HMOX1: variants seen among roughly 807,000 people sequenced by gnomAD.
The protein encoded by HMOX1 is heat shock protein, 32-kD.
In HMOX1, 22 loss-of-function variants were observed where a neutral mutation model predicts 27.8. That is an observed-to-expected ratio of 0.79 (90% CI 0.57 to 1.13). HMOX1 has a LOEUF of 1.13. HMOX1 is among the 50% of genes most tolerant of loss of function. HMOX1 has a pLI of 0.00. For synonymous variants in HMOX1, 153 were observed against 151.6 expected, an observed-to-expected ratio of 1.01 and a Z score of -0.07; for missense variants, 379 against 377.7, an observed-to-expected ratio of 1.00 and a Z score of -0.03.
chr22:35,389,429 TATCTTTC>T (rs1283601044), intron 3 of HMOX1, among the ~76,000 whole-genome samples: 1 of 67,902 alleles, frequency 1.5e-5, no homozygotes, highest in Non-Finnish European at 3.1e-5. Flanking sequence ...TCTTTCTTTC[TATCTTTC>T]TTTCTTTCTT....
chr22:35,381,302 C>T, intron 1 of HMOX1, 106 bp downstream of exon 1: 1 of 1,363,318 alleles, frequency 7.3e-7, no homozygotes, highest in Non-Finnish European at 1.0e-6. Context: ...AGCCCAGGAG[C>T]CAGAAACTTG....
chr22:35,392,247 G>T (rs1045051176), intron 4 of HMOX1, among the ~76,000 whole-genome samples: 3 of 147,450 alleles, frequency 2.0e-5, no homozygotes, highest in African/African-American at 7.5e-5. Flanking sequence ...AGAAAGAAAA[G>T]AAAAGAAAAA....
intron 2 of HMOX1, among the ~76,000 whole-genome samples, chr22:35,385,609 CTTTTTTTTTT>C (rs71191362): frequency 1.1e-5 from 1 of 94,200 alleles, no homozygotes; most frequent in African/African-American, 4.4e-5. Flanking sequence ...CCATACCTGG[CTTTTTTTTTT>C]TTTTTTTTTT....
rs145427664 is a variant in HMOX1 at position 35,389,936 on chromosome 22, C to G, written c.709C>G (p.Arg237Gly). 1.9e-3 allele frequency: 2,982 copies of G among 1,611,646 alleles called. 1 individual carries two copies. The highest frequency in any genetic ancestry group is 2.2e-3 in the Non-Finnish European group (2,647 of 1,179,628). Residue 237 changes from arginine (R) to glycine (G), a missense_variant, in exon 4 of 5, where the codon CGC becomes GGC. Coordinates refer to ENST00000216117, the MANE Select transcript of HMOX1 (RefSeq NM_002133.3). ...GAGCCCCTCACGGGCACCAGGGCTT[C>G]GCCAGCGGGCCAGCAACAAAGTGCA... ...DQSPSRAPGL[R>G]QRASNKVQDS... is the part of the protein sequence containing the mutation.
chr22:35,387,483 C>A (rs1931539415), intron 3 of HMOX1, among the ~76,000 whole-genome samples: 1 of 152,228 alleles, frequency 6.6e-6, no homozygotes, highest in South Asian at 2.1e-4. Context: ...ACATTCACTA[C>A]TGTCATAATG....
At chr22:35,381,230 CTT>C in intron 1 of HMOX1, 34 bp downstream of exon 1, 1 of 1,544,172 alleles carries the variant, frequency 6.5e-7, no homozygotes, top group Non-Finnish European at 8.7e-7. Flanking sequence ...GGACGGGCGC[CTT>C]TCTCTCCCAA....
Position 35,381,358 on chromosome 22 carries a change from G to C in HMOX1, c.23+162G>C, listed in dbSNP as rs141876867. On this transcript the variant is annotated intron_variant, in intron 1 of 4. Coordinates refer to ENST00000216117, the MANE Select transcript of HMOX1 (RefSeq NM_002133.3). ...CGGGGTTCTGATCCTGCCTGTGCCC[G>C]TAGGGTAGTTGGAGGGAGGAACGGT... 13 of 796,654 alleles carry C rather than the reference G, an allele frequency of 1.6e-5. No homozygotes were observed. The South Asian group carries it at 1.7e-4, about 10-fold the overall frequency. 49.3% of individuals were successfully genotyped at this position (796,654 alleles called of 1,614,324 possible). A position where few individuals can be genotyped will look rare whatever the true frequency, so the allele number is the denominator to read the frequency against.
In HMOX1 at chr22:35,389,237, C is replaced by CTTTCTTTCT. The variant is rs1305198764; in HGVS notation, c.637-624_637-623insCTTTCTTTT. Among the ~76,000 whole-genome samples the CTTTCTTTCT allele has an allele frequency of 1.9e-4, 22 of 116,248 alleles. 6 individuals carry two copies. Among genetic ancestry groups the CTTTCTTTCT allele is most frequent in the African/African-American group, 9.0e-4 (21 of 23,354 alleles). 76.3% of individuals were successfully genotyped at this position (116,248 alleles called of 152,430 possible). A position where few individuals can be genotyped will look rare whatever the true frequency, so the allele number is the denominator to read the frequency against. On this transcript the variant is annotated intron_variant, in intron 3 of 4. Transcript: ENST00000216117. ...TCTCTCTTTCTTTCTTTCTTTCTTTCTTTTTCTTTCTTTTCTCTCTCTCTC... is the reference window on the plus strand; with the variant it reads ...TCTCTCTTTCTTTCTTTCTTTCTTTCTTTCTTTCTTTTTTCTTTCTTTTCTCTCTCTCTC...
chr22:35,383,230 T>C lies in HMOX1; in HGVS notation c.144+4T>C, dbSNP rs17885925. On this transcript the variant is annotated splice_donor_region_variant and intron_variant, in intron 2 of 4. Transcript: ENST00000216117. The stretch of plus-strand genomic sequence containing the variant: ...GGTGACCCGAGACGGCTTCAAGGTA[T>C]GTGGCTTGGTGGGACTAGCCCTGGT... 0.044 allele frequency: 71,310 copies of C among 1,612,922 alleles called. 1,739 individuals are homozygous for C. Among genetic ancestry groups the C allele is most frequent in the Middle Eastern group, 0.071 (431 of 6,056 alleles).
At position 35,386,713 on chromosome 22, in the gene HMOX1, A is replaced by G. The variant is rs775004553; in HGVS notation, c.173A>G (p.Tyr58Cys). The change falls in exon 3 of 5, where the codon TAT becomes TGT. Residue 58 changes from tyrosine (Y) to cysteine (C), a missense_variant. Tyr to Cys is a radical substitution (Grantham distance 194). Coordinates refer to ENST00000216117, the MANE Select transcript of HMOX1 (RefSeq NM_002133.3). ...KLVMASLYHI[Y>C]VALEEEIERN... Reference sequence around the variant, plus strand: ...GTGATGGCCTCCCTGTACCACATCTATGTGGCCCTGGAGGAGGAGATTGAG... The same window carrying G: ...GTGATGGCCTCCCTGTACCACATCTGTGTGGCCCTGGAGGAGGAGATTGAG... 60 of 1,613,990 alleles carry G rather than the reference A, an allele frequency of 3.7e-5. No individual in the cohort carries two copies. The highest frequency in any genetic ancestry group is 1.6e-4 in the Middle Eastern group (1 of 6,084).
In HMOX1 at chr22:35,393,910, A is replaced by C; in HGVS notation, c.*312A>C. On this transcript the variant is annotated 3_prime_UTR_variant, in exon 5 of 5. Coordinates refer to ENST00000216117, the MANE Select transcript of HMOX1 (RefSeq NM_002133.3). ...TGTGGCAGCTGTCTCAAACCTCCAAAAGCCCTGAGTTTCAAGTATCCTTGT... is the reference window on the plus strand; with the variant it reads ...TGTGGCAGCTGTCTCAAACCTCCAACAGCCCTGAGTTTCAAGTATCCTTGT... 2 of 382,628 alleles carry C rather than the reference A, an allele frequency of 5.2e-6. No homozygotes were observed. Among genetic ancestry groups the C allele is most frequent in the Non-Finnish European group, 1.0e-5 (2 of 198,726 alleles). 23.7% of individuals were successfully genotyped at this position (382,628 alleles called of 1,614,324 possible).
chr22:35,381,265 C>T lies in HMOX1; in HGVS notation c.23+69C>T, dbSNP rs1017944766. 23 of 1,501,726 alleles carry T rather than the reference C, an allele frequency of 1.5e-5. No individual in the cohort carries two copies. The African/African-American group carries it at 2.5e-4, about 16-fold the overall frequency. 93.0% of individuals were successfully genotyped at this position (1,501,726 alleles called of 1,614,324 possible). On this transcript the variant is annotated intron_variant, in intron 1 of 4. Transcript: ENST00000216117. ...CAACCCTGCTTGCGTCCTAGCCCCA[C>T]CCCGGGACACTGCCACACAGCGACA...
At position 35,389,254 on chromosome 22, in the gene HMOX1, C is replaced by T. The variant is rs1483682632; in HGVS notation, c.637-610C>T. ...CTTTCTTTCTTTTTCTTTCTTTTCT[C>T]TCTCTCTCTCTCTCTCTCTCCTCTC... On this transcript the variant is annotated intron_variant, in intron 3 of 4. Transcript: ENST00000216117. 5.3e-3 allele frequency among the ~76,000 whole-genome samples: 352 copies of T among 65,968 alleles called. 12 individuals carry two copies. The highest frequency in any genetic ancestry group is 7.1e-3 in the Non-Finnish European group (249 of 34,840). 43.3% of individuals were successfully genotyped at this position (65,968 alleles called of 152,430 possible).
Position 35,393,594 on chromosome 22 carries a change from T to C in HMOX1, c.863T>C (p.Met288Thr), listed in dbSNP as rs1333482347. The C allele has an allele frequency of 1.9e-6, 3 of 1,614,174 alleles. No homozygotes were observed. The highest frequency in any genetic ancestry group is 2.5e-6 in the Non-Finnish European group (3 of 1,179,994). The change falls in exon 5 of 5, where the codon ATG (methionine) becomes ACG (threonine). Residue 288 changes from methionine (M) to threonine (T), a missense_variant. Transcript: ENST00000216117. ...VATVAVGLYA[M>T] ...ACAGTTGCTGTAGGGCTTTATGCCATGTGAATGCAGGCATGCTGGCTCCCA... is the reference window on the plus strand; with the variant it reads ...ACAGTTGCTGTAGGGCTTTATGCCACGTGAATGCAGGCATGCTGGCTCCCA...
At chr22:35,390,027 T>C (rs1489183350) in intron 4 of HMOX1, 64 bp downstream of exon 4, 3 of 1,081,500 alleles carry the variant, frequency 2.8e-6, no homozygotes, top group Non-Finnish European at 4.2e-6. Context: ...GCTGTCTGAC[T>C]GTAGTATCTC....
intron 4 of HMOX1, among the ~76,000 whole-genome samples, chr22:35,390,860 T>A (rs1931699591): frequency 6.6e-6 from 1 of 152,084 alleles, no homozygotes; most frequent in African/African-American, 2.4e-5. Context: ...AGCCCCTCCC[T>A]CATGTGCCTA....
intron 2 of HMOX1, among the ~76,000 whole-genome samples, chr22:35,386,025 A>T (rs1034155769): frequency 6.6e-6 from 1 of 151,142 alleles, no homozygotes; most frequent in Non-Finnish European, 1.5e-5. Flanking sequence ...GCGAGATCTC[A>T]GCTCACTGCA....
chr22:35,382,832 A>G (rs1198903890), intron 1 of HMOX1, among the ~76,000 whole-genome samples: 2 of 150,788 alleles, frequency 1.3e-5, no homozygotes, highest in Non-Finnish European at 2.9e-5. Flanking sequence ...TAATTTTTGT[A>G]TTTTTAGTAG....
At chr22:35,389,297 T>C (rs1569057292) in intron 3 of HMOX1, among the ~76,000 whole-genome samples, 9 of 90,310 alleles carry the variant, frequency 1.0e-4, no homozygotes, top group African/African-American at 5.2e-4. Context: ...CTCTTCTTTC[T>C]TCTTTCTTTC....
Sources: gnomAD v4.1 joint callset for allele counts (sites outside exome capture counted in the v4.1 genomes callset) on GRCh38, gnomAD v4.1.1 for gene constraint, MANE v1.5 for transcripts, NCBI Gene and HGNC (gene_info 2026-07-23, HGNC 2026-07-21) for gene names.